The following EEPD1 variants were observed in gnomAD, a reference collection of about 807,000 sequenced individuals.
The protein encoded by EEPD1 is endonuclease/exonuclease/phosphatase family domain containing 1.
EEPD1 carries 17 observed loss-of-function variants against 46.3 expected under a neutral mutation model. The observed-to-expected ratio is 0.37, with a 90% CI of 0.25 to 0.55. EEPD1 has a LOEUF of 0.55. Ranked by LOEUF, EEPD1 falls within the 20% of genes least tolerant of loss-of-function variation. EEPD1 has a pLI of 0.83. For missense variants in EEPD1, 673 were observed against 745.6 expected, an observed-to-expected ratio of 0.90 and a Z score of 1.13; for synonymous variants, 313 against 315.6, an observed-to-expected ratio of 0.99 and a Z score of 0.09.
At chr7:36,180,522 T>A (rs1785254635) in intron 2 of EEPD1, among the ~76,000 whole-genome samples, 1 of 152,114 alleles carries the variant, frequency 6.6e-6, no homozygotes, top group Non-Finnish European at 1.5e-5. Context: ...ACAGCTGCAG[T>A]CCTAAAGCAG....
Position 36,238,969 on chromosome 7 carries a change from A to ATT in EEPD1, c.879-9_879-8dup. 1 of 1,602,258 alleles carries ATT rather than the reference A, an allele frequency of 6.2e-7. No individual in the cohort carries two copies. The highest frequency in any genetic ancestry group is 1.1e-5 in the South Asian group (1 of 88,064). On this transcript the variant is annotated splice_polypyrimidine_tract_variant and intron_variant, in intron 2 of 7. Coordinates refer to ENST00000242108, the MANE Select transcript of EEPD1 (RefSeq NM_030636.3). ...TGATTTGTTTTCAAGTGTGGTTTTGATTTTTTTTCTTACAGCATCAAGCTT... is the reference window on the plus strand; with the variant it reads ...TGATTTGTTTTCAAGTGTGGTTTTGATTTTTTTTTTCTTACAGCATCAAGCTT...
intron 2 of EEPD1, among the ~76,000 whole-genome samples, chr7:36,179,143 A>G (rs1270256522): frequency 6.6e-6 from 1 of 152,198 alleles, no homozygotes; most frequent in Non-Finnish European, 1.5e-5. Context: ...GAGTGAAGCA[A>G]TGTCCTGGCT....
chr7:36,209,367 C>T (rs911661613), intron 2 of EEPD1, among the ~76,000 whole-genome samples: 1 of 152,192 alleles, frequency 6.6e-6, no homozygotes, highest in African/African-American at 2.4e-5. Flanking sequence ...TTTCCTTTCT[C>T]ATTGCCGGCT....
intron 3 of EEPD1, among the ~76,000 whole-genome samples, chr7:36,257,544 C>T (rs1405853652): frequency 6.6e-6 from 1 of 152,052 alleles, no homozygotes; most frequent in Non-Finnish European, 1.5e-5. Context: ...TTTCTCTAAT[C>T]TTGTCTTCAC....
chr7:36,289,538 A>C (rs1441389040), intron 6 of EEPD1, among the ~76,000 whole-genome samples: 1 of 152,246 alleles, frequency 6.6e-6, no homozygotes, highest in African/African-American at 2.4e-5. Flanking sequence ...TGTGTCGCCC[A>C]GGCTGGAGTG....
At chr7:36,240,054 A>T (rs1274646757) in intron 3 of EEPD1, among the ~76,000 whole-genome samples, 1 of 152,154 alleles carries the variant, frequency 6.6e-6, no homozygotes, top group Non-Finnish European at 1.5e-5. Context: ...GGGTTGCTTG[A>T]GCCCAGGAGT....
At chr7:36,294,108 C>T (rs1283411328) in intron 6 of EEPD1, among the ~76,000 whole-genome samples, 1 of 152,090 alleles carries the variant, frequency 6.6e-6, no homozygotes, top group Non-Finnish European at 1.5e-5. Context: ...GTCTGCTCCT[C>T]TGTGTAGAGT....
intron 6 of EEPD1, among the ~76,000 whole-genome samples, chr7:36,290,519 C>T (rs1787413032): frequency 6.6e-6 from 1 of 152,174 alleles, no homozygotes; most frequent in Non-Finnish European, 1.5e-5. Flanking sequence ...GCCTTCATTC[C>T]ACAGCTTCTA....
chr7:36,277,907 T>G (rs1207046674), intron 3 of EEPD1, among the ~76,000 whole-genome samples: 1 of 152,092 alleles, frequency 6.6e-6, no homozygotes, highest in Non-Finnish European at 1.5e-5. Flanking sequence ...CCCTTAAGGG[T>G]CAGGGATTCT....
intron 2 of EEPD1, among the ~76,000 whole-genome samples, chr7:36,229,650 A>G (rs1786287849): frequency 6.6e-6 from 1 of 152,100 alleles, no homozygotes; most frequent in Non-Finnish European, 1.5e-5. Context: ...GCTCTCTCCA[A>G]TGCCACCAGC....
intron 2 of EEPD1, among the ~76,000 whole-genome samples, chr7:36,233,899 G>A (rs1291739230): frequency 6.6e-6 from 1 of 152,012 alleles, no homozygotes; most frequent in Non-Finnish European, 1.5e-5. Context: ...TTTGTTTTTT[G>A]GTGGGTTTTT....
intron 2 of EEPD1, among the ~76,000 whole-genome samples, chr7:36,186,722 C>A (rs1276834502): frequency 1.3e-5 from 2 of 152,210 alleles, no homozygotes; most frequent in Non-Finnish European, 2.9e-5. Context: ...AATGTGTACT[C>A]ACGTGGGTGG....
intron 2 of EEPD1, chr7:36,229,313 A>G (rs1490165022): frequency 2.6e-5 from 4 of 152,080 alleles, no homozygotes; most frequent in Admixed American, 6.5e-5. Flanking sequence ...TTTTCTTCCA[A>G]ATCCTGCAAA....
intron 7 of EEPD1, among the ~76,000 whole-genome samples, chr7:36,297,693 G>GACATGCTGTGAGGTGA (rs1787549317): frequency 6.6e-6 from 1 of 152,198 alleles, no homozygotes; most frequent in Non-Finnish European, 1.5e-5. Context: ...CTATGAGGTG[G>GACATGCTGTGAGGTGA]ACATGCTGTG....
intron 2 of EEPD1, among the ~76,000 whole-genome samples, chr7:36,168,654 AGGCTAAGGTG>A (rs67710381): frequency 0.15 from 22,270 of 151,656 alleles, 2,115 homozygotes; most frequent in Non-Finnish European, 0.22. Flanking sequence ...GCTACTCAAG[AGGCTAAGGTG>A]GGAGAAAGGC....
intron 2 of EEPD1, among the ~76,000 whole-genome samples, chr7:36,237,188 A>G (rs554404759): frequency 6.6e-6 from 1 of 152,322 alleles, no homozygotes; most frequent in Non-Finnish European, 1.5e-5. Context: ...AACCCACCAT[A>G]AGGAAGAAAC....
At chr7:36,204,204 A>G (rs1019761845) in intron 2 of EEPD1, among the ~76,000 whole-genome samples, 1 of 147,742 alleles carries the variant, frequency 6.8e-6, no homozygotes, top group Non-Finnish European at 1.5e-5. Context: ...CCAGCCAATT[A>G]AAAAAAAATT....
intron 2 of EEPD1, among the ~76,000 whole-genome samples, chr7:36,219,777 G>GAA (rs1177398686): frequency 2.0e-5 from 2 of 101,484 alleles, no homozygotes; most frequent in Non-Finnish European, 3.6e-5. Flanking sequence ...GAGAGAGAAA[G>GAA]AGAGAGAGAG....
At chr7:36,206,578 G>T (rs1434604927) in intron 2 of EEPD1, among the ~76,000 whole-genome samples, 1 of 152,110 alleles carries the variant, frequency 6.6e-6, no homozygotes, top group East Asian at 1.9e-4. Flanking sequence ...AAGCTGCAAG[G>T]ATGCTGTCTG....
Sources: allele counts gnomAD v4.1 joint callset (sites outside exome capture counted in the v4.1 genomes callset), GRCh38; gene constraint gnomAD v4.1.1; transcripts MANE v1.5; gene names NCBI Gene and HGNC (gene_info 2026-07-23, HGNC 2026-07-21).